The following SLC44A3 variants were observed in gnomAD, a reference collection of about 807,000 sequenced individuals.
The protein encoded by SLC44A3 is choline transporter-like protein 3.
A neutral mutation model predicts 75.4 loss-of-function variants in SLC44A3; 74 were observed. That is an observed-to-expected ratio of 0.98 (90% CI 0.81 to 1.19). The LOEUF (loss-of-function observed/expected upper bound fraction) is 1.19. Among genes scored for constraint, SLC44A3 ranks in the 50% most tolerant of loss-of-function variants. The pLI, the probability that SLC44A3 is intolerant of heterozygous loss-of-function variation, is 0.00. For missense variants in SLC44A3, 700 were observed against 778.6 expected (o/e 0.90, Z 1.20); for synonymous variants, 310 against 296.9 (o/e 1.04, Z -0.45).
chr1:94,886,705 G>A (rs778310875), intron 12 of SLC44A3, among the ~76,000 whole-genome samples: 1 of 152,082 alleles, frequency 6.6e-6, no homozygotes, highest in Non-Finnish European at 1.5e-5. Flanking sequence ...GCCACACAGG[G>A]CGTCCTCATT....
rs11808106 is a variant in SLC44A3 at position 94,860,980 on chromosome 1, C to T, written c.1238+3480C>T. Among the ~76,000 whole-genome samples the T allele has an allele frequency of 7.2e-3, 1,100 of 152,232 alleles. 12 individuals carry two copies. Among genetic ancestry groups the T allele is most frequent in the African/African-American group, 0.025 (1,056 of 41,524 alleles). On this transcript the variant is annotated intron_variant, in intron 10 of 14. Transcript: ENST00000271227. ...AAAAGAAAATGGAACTGAGGGAATACCAGGTGTGTTCGAACACGTTAAGAA... is the reference window on the plus strand; with the variant it reads ...AAAAGAAAATGGAACTGAGGGAATATCAGGTGTGTTCGAACACGTTAAGAA...
At chr1:94,836,069 C>T (rs1011857594) in intron 5 of SLC44A3, among the ~76,000 whole-genome samples, 1 of 152,218 alleles carries the variant, frequency 6.6e-6, no homozygotes, top group African/African-American at 2.4e-5. Flanking sequence ...CTATGTTGTG[C>T]TTCATTAGAA....
At chr1:94,861,310 G>T (rs537932523) in intron 10 of SLC44A3, among the ~76,000 whole-genome samples, 16 of 152,130 alleles carry the variant, frequency 1.1e-4, no homozygotes, top group Non-Finnish European at 2.2e-4. Context: ...TAGTAGAAAA[G>T]TCAGTAGACA....
intron 12 of SLC44A3, among the ~76,000 whole-genome samples, chr1:94,882,637 G>A (rs574085265): frequency 6.6e-5 from 10 of 152,210 alleles, no homozygotes; most frequent in East Asian, 5.8e-4. Context: ...CTGCCTCTTC[G>A]TTAGGAATCA....
chr1:94,864,610 T>C (rs2101419992), intron 10 of SLC44A3, 133 bp from the exon 11 acceptor site: 1 of 776,872 alleles, frequency 1.3e-6, no homozygotes, highest in South Asian at 2.2e-5. Context: ...TACCAAGGAG[T>C]ATAAAAAGTT....
At chr1:94,821,930 G>A (rs1272859614) in intron 2 of SLC44A3, among the ~76,000 whole-genome samples, 2 of 152,178 alleles carry the variant, frequency 1.3e-5, no homozygotes, top group Non-Finnish European at 2.9e-5. Context: ...GACAGGCTTG[G>A]TTACAGGCAC....
intron 13 of SLC44A3, 132 bp from the exon 14 acceptor site, chr1:94,892,149 G>T: frequency 1.2e-6 from 1 of 840,960 alleles, no homozygotes; most frequent in Non-Finnish European, 1.9e-6. Context: ...CAAAATTTCT[G>T]ACAAGCATTC....
rs370393089 is a variant in SLC44A3 at position 94,889,553 on chromosome 1, C to CACACACACACACACA, written c.1483-1576_1483-1575insCACACACACACACAA. On this transcript the variant is annotated intron_variant, in intron 12 of 14. Coordinates refer to ENST00000271227, the MANE Select transcript of SLC44A3 (RefSeq NM_001114106.3). ...ACACACACACACACACACACACACA[C>CACACACACACACACA]ATTTGTAGTCTTTGATATAGTAATC... Among the ~76,000 whole-genome samples, 208 of 149,534 alleles carry CACACACACACACACA rather than the reference C, an allele frequency of 1.4e-3. 1 individual carries two copies. Among genetic ancestry groups the CACACACACACACACA allele is most frequent in the South Asian group, 3.2e-3 (15 of 4,702 alleles).
chr1:94,863,403 GC>G (rs1231343529), intron 10 of SLC44A3, among the ~76,000 whole-genome samples: 4 of 152,230 alleles, frequency 2.6e-5, no homozygotes, highest in Non-Finnish European at 5.9e-5. Context: ...ATTCACAGAG[GC>G]CTATGAATCA....
chr1:94,864,725 C>G lies in SLC44A3; in HGVS notation c.1239-18C>G, dbSNP rs1399065987. Reference sequence around the variant, plus strand: ...ATAAAAAGTGTTTTTAAAATGCTATCCTTTTCCCTATTTCCAGAAGTAAAA... The same window carrying G: ...ATAAAAAGTGTTTTTAAAATGCTATGCTTTTCCCTATTTCCAGAAGTAAAA... On this transcript the variant is annotated intron_variant, in intron 10 of 14. Coordinates refer to ENST00000271227, the MANE Select transcript of SLC44A3 (RefSeq NM_001114106.3). The G allele has an allele frequency of 6.2e-7, 1 of 1,610,320 alleles. No individual in the cohort carries two copies. The highest frequency in any genetic ancestry group is 1.7e-5 in the Admixed American group (1 of 59,386).
chr1:94,862,979 G>A lies in SLC44A3; in HGVS notation c.1239-1764G>A, dbSNP rs1192171916. On this transcript the variant is annotated intron_variant, in intron 10 of 14. Coordinates refer to ENST00000271227, the MANE Select transcript of SLC44A3 (RefSeq NM_001114106.3). ...GGAGGCACTAGCCCCACACACAGCAGGGGAGAGGTGGTAGGATGACGTTAC... is the reference window on the plus strand; with the variant it reads ...GGAGGCACTAGCCCCACACACAGCAAGGGAGAGGTGGTAGGATGACGTTAC... 9.8e-5 allele frequency among the ~76,000 whole-genome samples: 15 copies of A among 152,306 alleles called. No homozygotes were observed. In the East Asian group the frequency reaches 2.9e-3, roughly 29 times the overall value.
intron 12 of SLC44A3, among the ~76,000 whole-genome samples, chr1:94,881,475 C>T (rs6677223): frequency 0.049 from 7,454 of 152,122 alleles, 271 homozygotes; most frequent in South Asian, 0.11. Flanking sequence ...GAGGCTGAGG[C>T]GGGCGGATCA....
intron 6 of SLC44A3, 126 bp downstream of exon 6, chr1:94,837,997 AT>A: frequency 2.1e-6 from 2 of 943,664 alleles, no homozygotes; most frequent in Non-Finnish European, 3.0e-6. Context: ...TTTAATAGAT[AT>A]TTTCAGTGTT....
intron 5 of SLC44A3, among the ~76,000 whole-genome samples, chr1:94,831,944 C>T (rs570707951): frequency 6.6e-6 from 1 of 152,114 alleles, no homozygotes; most frequent in Admixed American, 6.5e-5. Flanking sequence ...AAGGGCGAGG[C>T]GGGCAGATCA....
At chr1:94,839,062 A>G (rs1276169037) in intron 6 of SLC44A3, 1 of 152,242 alleles carries the variant, frequency 6.6e-6, no homozygotes, top group African/African-American at 2.4e-5. Flanking sequence ...AGGTGGCAGA[A>G]CTAAGACTCA....
chr1:94,853,843 A>G (rs1405865499), intron 9 of SLC44A3, among the ~76,000 whole-genome samples: 1 of 147,886 alleles, frequency 6.8e-6, no homozygotes, highest in African/African-American at 2.5e-5. Context: ...ATAGTAACTC[A>G]GATGGTATCC....
chr1:94,867,313 G>T lies in SLC44A3; in HGVS notation c.1396-18G>T. On this transcript the variant is annotated intron_variant, in intron 11 of 14. Transcript: ENST00000271227. ...GTGTTGTTTTTGACTCTGTTCCTTT[G>T]TTCTCAACCTGATCCAGCAGCATGG... 6.4e-7 allele frequency: 1 copy of T among 1,550,900 alleles called. No homozygotes were observed. Among genetic ancestry groups the T allele is most frequent in the Non-Finnish European group, 8.7e-7 (1 of 1,143,114 alleles).
chr1:94,825,991 C>A (rs558467026), intron 3 of SLC44A3: 4 of 452,000 alleles, frequency 8.8e-6, no homozygotes, highest in African/African-American at 4.0e-5. Context: ...AGAAGCAACT[C>A]AAGTGTCCAT....
intron 6 of SLC44A3, among the ~76,000 whole-genome samples, chr1:94,838,393 C>T (rs1223912350): frequency 1.3e-5 from 2 of 152,214 alleles, no homozygotes; most frequent in Admixed American, 6.5e-5. Context: ...GGCCTTCAGC[C>T]TTCTCTGGGC....
Sources: gnomAD v4.1 joint callset for allele counts (sites outside exome capture counted in the v4.1 genomes callset) on GRCh38, gnomAD v4.1.1 for gene constraint, MANE v1.5 for transcripts, NCBI Gene and HGNC (gene_info 2026-07-23, HGNC 2026-07-21) for gene names.